KLHL8: variants seen among roughly 807,000 people sequenced by gnomAD.
KLHL8 encodes kelch-like protein 8.
A neutral mutation model predicts 63.5 loss-of-function variants in KLHL8; 38 were observed. The observed-to-expected ratio is 0.60, with a 90% CI of 0.46 to 0.78. The LOEUF is 0.78. Among genes scored for constraint, KLHL8 ranks in the 30% least tolerant of loss-of-function variants. The pLI is 0.00. For missense variants in KLHL8, 566 were observed against 752.4 expected, an observed-to-expected ratio of 0.75 and a Z score of 2.90; for synonymous variants, 224 against 254.3, an observed-to-expected ratio of 0.88 and a Z score of 1.13.
intron 1 of KLHL8, among the ~76,000 whole-genome samples, chr4:87,226,685 AAT>A (rs370801504): frequency 0.011 from 60 of 5,554 alleles, 18 homozygotes; most frequent in African/African-American, 0.066. Flanking sequence ...ATTTATATAT[AAT>A]ATATATATTA....
At chr4:87,190,561 T>C (rs1731442383) in intron 2 of KLHL8, among the ~76,000 whole-genome samples, 1 of 151,738 alleles carries the variant, frequency 6.6e-6, no homozygotes, top group Non-Finnish European at 1.5e-5. Flanking sequence ...GAAGAATCGC[T>C]TGAACCCGGG....
intron 8 of KLHL8, among the ~76,000 whole-genome samples, chr4:87,169,130 C>A (rs1436580706): frequency 2.0e-5 from 3 of 151,798 alleles, no homozygotes; most frequent in Non-Finnish European, 4.4e-5. Flanking sequence ...CACGATGAAA[C>A]CCTGTCTTTA....
At chr4:87,216,668 C>T (rs919909002) in intron 1 of KLHL8, among the ~76,000 whole-genome samples, 2 of 152,132 alleles carry the variant, frequency 1.3e-5, no homozygotes, top group African/African-American at 4.8e-5. Context: ...CCATAATTCT[C>T]TCTCTGACTC....
At chr4:87,226,516 C>T (rs555595408) in intron 1 of KLHL8, among the ~76,000 whole-genome samples, 8 of 143,656 alleles carry the variant, frequency 5.6e-5, no homozygotes, top group Admixed American at 3.8e-4. Context: ...GAGCTGAGAT[C>T]GCGCCACTGC....
At chr4:87,225,336 C>T (rs1396621750), upstream of KLHL8, among the ~76,000 whole-genome samples, 2 of 152,118 alleles carry the variant, frequency 1.3e-5, no homozygotes, top group African/African-American at 4.8e-5. Context: ...AAGAAGTTGT[C>T]TATATCTTTC....
At chr4:87,235,922 G>A (rs1413285738) in intron 1 of KLHL8, among the ~76,000 whole-genome samples, 7 of 152,084 alleles carry the variant, frequency 4.6e-5, no homozygotes, top group Admixed American at 1.3e-4. Flanking sequence ...GGGGAAGGGG[G>A]AATCGAAGGC....
At position 87,185,777 on chromosome 4, in the gene KLHL8, C is replaced by A. The variant is rs1333912846; in HGVS notation, c.239G>T (p.Cys80Phe). 6.2e-7 allele frequency: 1 copy of A among 1,609,402 alleles called. No homozygotes were observed. Among genetic ancestry groups the A allele is most frequent in the Non-Finnish European group, 8.5e-7 (1 of 1,177,762 alleles). Residue 80 changes from cysteine to phenylalanine, a missense_variant, in exon 3 of 10, where the codon TGT (cysteine) becomes TTT (phenylalanine). Physicochemically the swap from Cys to Phe is radical, Grantham distance 205 (BLOSUM62 -2). Transcript: ENST00000273963. ...TLKVGSKLISCHKLVLACVIP... is the reference protein window; with the variant it reads ...TLKVGSKLISFHKLVLACVIP... ...AACACAAGCCAATACCAGCTTGTGA[C>A]AAGAGATTAGCTTTGAGCCAACCTG...
chr4:87,164,953 C>A (rs1001212609), intron 8 of KLHL8, among the ~76,000 whole-genome samples: 1 of 151,874 alleles, frequency 6.6e-6, no homozygotes, highest in Non-Finnish European at 1.5e-5. Flanking sequence ...TCGAGACCAT[C>A]CTGGCTAACA....
chr4:87,231,578 A>G (rs949917268), intron 1 of KLHL8, among the ~76,000 whole-genome samples: 2 of 152,040 alleles, frequency 1.3e-5, no homozygotes, highest in Non-Finnish European at 2.9e-5. Context: ...TGCTTGATAT[A>G]ACTTCTATGT....
intron 1 of KLHL8, among the ~76,000 whole-genome samples, chr4:87,200,719 A>G (rs970858828): frequency 2.0e-5 from 3 of 152,312 alleles, no homozygotes; most frequent in Middle Eastern, 3.4e-3. Flanking sequence ...GCTGCTATGG[A>G]AACAGTATGG....
intron 1 of KLHL8, chr4:87,220,136 C>G (rs1732771618): frequency 6.6e-6 from 1 of 152,594 alleles, no homozygotes; most frequent in Admixed American, 6.5e-5. Context: ...GAGCCGGGAG[C>G]ATAACCCTGC....
chr4:87,184,123 C>G (rs545738133), intron 3 of KLHL8, among the ~76,000 whole-genome samples: 3 of 152,134 alleles, frequency 2.0e-5, no homozygotes, highest in Non-Finnish European at 4.4e-5. Context: ...GTTATGGCCC[C>G]CCTTGAACGA....
intron 1 of KLHL8, among the ~76,000 whole-genome samples, chr4:87,218,707 A>G (rs2110058093): frequency 6.6e-6 from 1 of 152,300 alleles, no homozygotes; most frequent in South Asian, 2.1e-4. Context: ...CTAAGTGCTC[A>G]TATGTAGTTG....
At chr4:87,186,561 C>T (rs963930048) in intron 2 of KLHL8, among the ~76,000 whole-genome samples, 1 of 151,358 alleles carries the variant, frequency 6.6e-6, no homozygotes, top group Admixed American at 6.6e-5. Flanking sequence ...CTCATTGCAG[C>T]CTCAACCTGC....
At chr4:87,214,419 T>TAG (rs1460130399) in intron 1 of KLHL8, among the ~76,000 whole-genome samples, 2 of 22,698 alleles carry the variant, frequency 8.8e-5, no homozygotes, top group Admixed American at 3.7e-4. Flanking sequence ...ATAACAGATA[T>TAG]ATATATATAT....
chr4:87,236,564 C>T (rs1733233419), intron 1 of KLHL8, among the ~76,000 whole-genome samples: 1 of 151,612 alleles, frequency 6.6e-6, no homozygotes. Flanking sequence ...AAGGGCATAA[C>T]ATCACTTTAG....
rs1405402168 is a variant in KLHL8, at chr4:87,163,551, G to T, written c.1831C>A (p.His611Asn). ...CLTSQIRDVG[H>N]GSNNVVDCM ...CAGTCAACCACATTATTGGATCCAT[G>T]ACCTACATCTCGAATTTGGCTAGTT... is the stretch of plus-strand genomic sequence containing the variant. Residue 611 changes from histidine to asparagine, a missense_variant, in exon 10 of 10, where the codon CAT becomes AAT. His to Asn is a moderately conservative substitution (Grantham distance 68). Coordinates refer to ENST00000273963, the MANE Select transcript of KLHL8 (RefSeq NM_020803.5). The T allele has an allele frequency of 1.9e-6, 3 of 1,614,104 alleles. No homozygotes were observed. The highest frequency in any genetic ancestry group is 1.1e-5 in the South Asian group (1 of 91,058).
At chr4:87,232,876 C>T (rs552438119) in intron 1 of KLHL8, among the ~76,000 whole-genome samples, 13 of 151,388 alleles carry the variant, frequency 8.6e-5, no homozygotes, top group African/African-American at 2.9e-4. Flanking sequence ...GTCCATTTTT[C>T]TATTAGGTTT....
At chr4:87,188,615 G>C (rs752082331) in intron 2 of KLHL8, among the ~76,000 whole-genome samples, 4 of 151,926 alleles carry the variant, frequency 2.6e-5, no homozygotes, top group Admixed American at 6.6e-5. Context: ...GTATAAATAG[G>C]AACAGCCAAA....
Sources: allele counts gnomAD v4.1 joint callset (sites outside exome capture counted in the v4.1 genomes callset), GRCh38; gene constraint gnomAD v4.1.1; transcripts MANE v1.5; gene names NCBI Gene and HGNC (gene_info 2026-07-23, HGNC 2026-07-21).